Variants in USP2 observed in about 807,000 individuals in gnomAD.
The protein encoded by USP2 is ubiquitin carboxyl-terminal hydrolase 2.
Under a neutral mutation model 72.0 loss-of-function variants are expected in USP2, and 33 were observed. The observed-to-expected ratio is 0.46, with a 90% CI of 0.35 to 0.61. USP2 has a LOEUF of 0.61. USP2 is among the 20% of genes least tolerant of loss of function. The pLI, the probability that USP2 is intolerant of heterozygous loss-of-function variation, is 0.01. For missense variants in USP2, 691 were observed against 797.8 expected (o/e 0.87, Z 1.61); for synonymous variants, 296 against 312.5 (o/e 0.95, Z 0.56).
chr11:119,364,151 A>G, intron 2 of USP2: 1 of 1,209,984 alleles, frequency 8.3e-7, no homozygotes, highest in Non-Finnish European at 1.0e-6. Flanking sequence ...CTCCGCCTCA[A>G]CCTCCCCGGC....
intron 7 of USP2, 78 bp downstream of exon 7, chr11:119,358,695 T>C: frequency 6.5e-7 from 1 of 1,527,634 alleles, no homozygotes; most frequent in Non-Finnish European, 9.1e-7. Context: ...GGGAGAGTGA[T>C]TCTTAGGGCT....
At chr11:119,373,971 G>A in intron 1 of USP2, among the ~76,000 whole-genome samples, 1 of 152,220 alleles carries the variant, frequency 6.6e-6, no homozygotes, top group East Asian at 1.9e-4. Flanking sequence ...TCTGACTTAT[G>A]TGATGAGCAG....
chr11:119,359,425 C>G (rs1260080368), intron 4 of USP2, 83 bp from the exon 5 acceptor site: 2 of 1,583,656 alleles, frequency 1.3e-6, no homozygotes, highest in Non-Finnish European at 1.7e-6. Flanking sequence ...AAAAAGCAAG[C>G]AGAGAAAGAC....
At chr11:119,377,797 C>T (rs1189200195) in intron 1 of USP2, among the ~76,000 whole-genome samples, 1 of 152,164 alleles carries the variant, frequency 6.6e-6, no homozygotes, top group East Asian at 1.9e-4. Context: ...GAAGGGCTCC[C>T]TAACCTGCCC....
chr11:119,364,435 T>A (rs1313000613), intron 2 of USP2, among the ~76,000 whole-genome samples: 3 of 152,056 alleles, frequency 2.0e-5, no homozygotes, highest in Non-Finnish European at 4.4e-5. Context: ...ACCGGAGCCC[T>A]GAGGCCCTGG....
chr11:119,373,668 C>A (rs1405479867), intron 1 of USP2, 147 bp from the exon 2 acceptor site: 10 of 764,016 alleles, frequency 1.3e-5, no homozygotes, highest in Non-Finnish European at 2.0e-5. Context: ...AGCACACATG[C>A]ACGCAGGTGT....
intron 1 of USP2, among the ~76,000 whole-genome samples, chr11:119,377,014 T>G (rs1393671148): frequency 6.6e-6 from 1 of 152,192 alleles, no homozygotes; most frequent in South Asian, 2.1e-4. Context: ...ATTTTCACAA[T>G]TAAAAAATAA....
chr11:119,364,373 G>A (rs1392594685), intron 2 of USP2, among the ~76,000 whole-genome samples: 1 of 151,958 alleles, frequency 6.6e-6, no homozygotes, highest in Non-Finnish European at 1.5e-5. Flanking sequence ...CGCGCTCCCC[G>A]GCGCCCCCAG....
chr11:119,361,391 T>C (rs777819241), intron 2 of USP2, among the ~76,000 whole-genome samples: 33 of 152,246 alleles, frequency 2.2e-4, no homozygotes, highest in Non-Finnish European at 3.5e-4. Flanking sequence ...ACCTTCAGGC[T>C]CAAAGGGTTA....
At chr11:119,360,985 C>A (rs912177033) in intron 2 of USP2, among the ~76,000 whole-genome samples, 2 of 152,166 alleles carry the variant, frequency 1.3e-5, no homozygotes, top group South Asian at 4.1e-4. Flanking sequence ...ATAAGAGACA[C>A]TTTGAGGAGG....
rs1430136764 is a variant in USP2 at position 119,355,425 on chromosome 11, G to T, written c.*1410C>A. ...GCCTGGAATGTGCCAGGCTCCACGG[G>T]GCACAAGCCGGGCCCAGCTGTGTGG... On this transcript the variant is annotated 3_prime_UTR_variant, in exon 13 of 13. Transcript: ENST00000260187. 6.6e-6 allele frequency: 1 copy of T among 152,230 alleles called. No individual in the cohort carries two copies. Among genetic ancestry groups the T allele is most frequent in the Non-Finnish European group, 1.5e-5 (1 of 68,070 alleles). 9.4% of individuals were successfully genotyped at this position (152,230 alleles called of 1,614,324 possible).
At chr11:119,378,389 C>T (rs1012715992) in intron 1 of USP2, among the ~76,000 whole-genome samples, 2 of 152,296 alleles carry the variant, frequency 1.3e-5, no homozygotes, top group South Asian at 4.1e-4. Context: ...TCTCAGGCCC[C>T]AGGGCCTGGG....
intron 1 of USP2, chr11:119,379,019 G>A: frequency 1.0e-6 from 1 of 985,518 alleles, no homozygotes. Flanking sequence ...GTGTCCAGGG[G>A]CACTGGATGG....
intron 2 of USP2, among the ~76,000 whole-genome samples, chr11:119,370,697 G>T (rs897223077): frequency 4.6e-5 from 7 of 152,210 alleles, no homozygotes; most frequent in African/African-American, 1.7e-4. Context: ...ATCTTCTGGG[G>T]CATGAGCTCA....
intron 2 of USP2, chr11:119,364,292 C>G: frequency 3.1e-6 from 2 of 652,068 alleles, no homozygotes; most frequent in Non-Finnish European, 3.8e-6. Flanking sequence ...CTCGCCTCTA[C>G]CCCGCCCCCG....
chr11:119,376,213 C>G (rs1345204613), intron 1 of USP2: 2 of 985,512 alleles, frequency 2.0e-6, no homozygotes, highest in Non-Finnish European at 2.4e-6. Flanking sequence ...GTTGGTGCCC[C>G]TTGGCATTAC....
At chr11:119,367,843 CT>C (rs1373102988) in intron 2 of USP2, among the ~76,000 whole-genome samples, 1 of 152,212 alleles carries the variant, frequency 6.6e-6, no homozygotes, top group Non-Finnish European at 1.5e-5. Context: ...ATGTTCATTT[CT>C]GCAGCTGGTG....
chr11:119,356,568 C>T lies in USP2; in HGVS notation c.*267G>A, dbSNP rs934743532. On this transcript the variant is annotated 3_prime_UTR_variant, in exon 13 of 13. Coordinates refer to ENST00000260187, the MANE Select transcript of USP2 (RefSeq NM_004205.5). ...AGTTGTTTCTGACACATAGGAAGAC[C>T]ACAAGTTTACAAATGCAAACGCCGA... is the stretch of plus-strand genomic sequence containing the variant. The T allele has an allele frequency of 4.6e-4, 226 of 486,872 alleles. No homozygotes were observed. The East Asian group carries it at 7.6e-3, about 16-fold the overall frequency. The allele number at this position is 486,872 out of a possible 1,614,324, so 30.2% of individuals were successfully genotyped here.
intron 1 of USP2, among the ~76,000 whole-genome samples, chr11:119,374,300 T>A (rs891290): frequency 0.016 from 2,413 of 152,134 alleles, 66 homozygotes; most frequent in African/African-American, 0.055. Flanking sequence ...CAAACACAGA[T>A]CTCAAATTGG....
Sources: allele counts gnomAD v4.1 joint callset (sites outside exome capture counted in the v4.1 genomes callset), GRCh38; gene constraint gnomAD v4.1.1; transcripts MANE v1.5; gene names NCBI Gene and HGNC (gene_info 2026-07-23, HGNC 2026-07-21).